PPP5C: variants seen among roughly 807,000 people sequenced by gnomAD.
The protein encoded by PPP5C is serine/threonine-protein phosphatase 5.
Under a neutral mutation model 66.7 loss-of-function variants are expected in PPP5C, and 21 were observed. That is an observed-to-expected ratio of 0.31 (90% CI 0.22 to 0.45). The LOEUF (loss-of-function observed/expected upper bound fraction) is 0.45. Ranked by LOEUF, PPP5C falls within the 20% of genes least tolerant of loss-of-function variation. The pLI is 1.00. For synonymous variants in PPP5C, 246 were observed against 257.4 expected (o/e 0.96, Z 0.43); for missense variants, 464 against 675.9 (o/e 0.69, Z 3.48).
In PPP5C at chr19:46,362,579, T is replaced by C. The variant is rs1229550438; in HGVS notation, c.363+8590T>C. Among the ~76,000 whole-genome samples the C allele has an allele frequency of 5.3e-5, 8 of 152,208 alleles. No individual in the cohort carries two copies. The East Asian group carries it at 1.4e-3, about 26-fold the overall frequency. On this transcript the variant is annotated intron_variant, in intron 2 of 12. Transcript: ENST00000012443. Reference sequence around the variant, plus strand: ...ATTTATAAAGTTGATTCTATTTATATGTATTTAATTTATTCATTTTTAGTG... The same window carrying C: ...ATTTATAAAGTTGATTCTATTTATACGTATTTAATTTATTCATTTTTAGTG...
chr19:46,363,964 CAG>C (rs1972447774), intron 2 of PPP5C, among the ~76,000 whole-genome samples: 1 of 152,072 alleles, frequency 6.6e-6, no homozygotes, highest in Non-Finnish European at 1.5e-5. Context: ...TGAGGATAAA[CAG>C]AGGTTCACTC....
At chr19:46,365,329 G>C (rs1182998378) in intron 2 of PPP5C, among the ~76,000 whole-genome samples, 1 of 151,230 alleles carries the variant, frequency 6.6e-6, no homozygotes, top group East Asian at 1.9e-4. Flanking sequence ...TGTTGGCTAG[G>C]CTGGTTTCAA....
At chr19:46,351,913 G>A (rs1004460468) in intron 1 of PPP5C, among the ~76,000 whole-genome samples, 4 of 152,236 alleles carry the variant, frequency 2.6e-5, no homozygotes, top group Non-Finnish European at 4.4e-5. Context: ...TCCCGGAGGA[G>A]GGGACATGTG....
chr19:46,367,232 C>G (rs1175843512), intron 2 of PPP5C, among the ~76,000 whole-genome samples: 1 of 152,256 alleles, frequency 6.6e-6, no homozygotes, highest in Non-Finnish European at 1.5e-5. Flanking sequence ...ATCCCTGCTT[C>G]CAGCACTTGG....
Position 46,390,701 on chromosome 19 carries a change from G to C in PPP5C, c.*355G>C. On this transcript the variant is annotated 3_prime_UTR_variant, in exon 13 of 13. Coordinates refer to ENST00000012443, the MANE Select transcript of PPP5C (RefSeq NM_006247.4). Reference sequence around the variant, plus strand: ...CTCAAGCAATAGGGCCCCGCCATAGGAAGACCCCCAGAGAGAGGGTCAGCA... The same window carrying C: ...CTCAAGCAATAGGGCCCCGCCATAGCAAGACCCCCAGAGAGAGGGTCAGCA... The C allele has an allele frequency of 1.7e-6, 2 of 1,192,216 alleles. No homozygotes were observed. The highest frequency in any genetic ancestry group is 3.1e-5 in the African/African-American group (2 of 63,992). The allele number at this position is 1,192,216 out of a possible 1,614,324, so 73.9% of individuals were successfully genotyped here. A position where few individuals can be genotyped will look rare whatever the true frequency, so the allele number is the denominator to read the frequency against.
rs1972999396 is a variant in PPP5C, at chr19:46,390,476, T to A, written c.*130T>A. The A allele has an allele frequency of 6.6e-7, 1 of 1,506,252 alleles. No individual in the cohort carries two copies. Among genetic ancestry groups the A allele is most frequent in the Non-Finnish European group, 8.9e-7 (1 of 1,127,340 alleles). The allele number at this position is 1,506,252 out of a possible 1,614,324, so 93.3% of individuals were successfully genotyped here. ...CCCTTTTACTTTGTAAAGTTTGTAT[T>A]TATTCCCCTTTAGGTTTGCAGAGGG... On this transcript the variant is annotated 3_prime_UTR_variant, in exon 13 of 13. Coordinates refer to ENST00000012443, the MANE Select transcript of PPP5C (RefSeq NM_006247.4).
chr19:46,367,038 A>G (rs551191585), intron 2 of PPP5C, among the ~76,000 whole-genome samples: 1 of 152,334 alleles, frequency 6.6e-6, no homozygotes, highest in South Asian at 2.1e-4. Context: ...GATCACTTCC[A>G]TTCAGATAGG....
intron 4 of PPP5C, chr19:46,382,940 A>C: frequency 9.1e-7 from 1 of 1,095,782 alleles, no homozygotes; most frequent in Non-Finnish European, 1.1e-6. Context: ...TCTCCCCAAA[A>C]CATCCTTTTT....
chr19:46,390,073 T>G lies in PPP5C; in HGVS notation c.1378T>G (p.Ser460Ala). 1 of 1,613,982 alleles carries G rather than the reference T, an allele frequency of 6.2e-7. No homozygotes were observed. The highest frequency in any genetic ancestry group is 8.5e-7 in the Non-Finnish European group (1 of 1,179,958). ...CAGCGACCAGATGGGGAACAAAGCC[T>G]CCTACATCCACCTCCAGGGCTCTGA... ...NYCDQMGNKA[S>A]YIHLQGSDLR... The change falls in exon 12 of 13, where the codon TCC (serine) becomes GCC (alanine). Residue 460 changes from serine to alanine, a missense_variant. Around this residue, in one of 2 missense-constraint regions of PPP5C, gnomAD observed 387 missense variants for 626.0 expected, o/e 0.62. Transcript: ENST00000012443.
intron 2 of PPP5C, among the ~76,000 whole-genome samples, chr19:46,364,236 A>G (rs2147375103): frequency 6.6e-6 from 1 of 152,298 alleles, no homozygotes; most frequent in Non-Finnish European, 1.5e-5. Context: ...GTGCATACAT[A>G]TGTAGCCAAA....
In PPP5C at chr19:46,384,509, A is replaced by G. The variant is rs532781148; in HGVS notation, c.799-295A>G. 11 of 374,600 alleles carry G rather than the reference A, an allele frequency of 2.9e-5. No homozygotes were observed. In the South Asian group the frequency reaches 3.0e-4, roughly 10 times the overall value. The allele number at this position is 374,600 out of a possible 1,614,324, so 23.2% of individuals were successfully genotyped here. On this transcript the variant is annotated intron_variant, in intron 6 of 12. Coordinates refer to ENST00000012443, the MANE Select transcript of PPP5C (RefSeq NM_006247.4). ...CTCTGAGGAGAGCTGAAGGAGGTGG[A>G]CTGACTAGTCCCCGCACCTCCCCGC...
Position 46,383,743 on chromosome 19 carries a change from T to G in PPP5C, c.700-37T>G. The G allele has an allele frequency of 6.5e-7, 1 of 1,539,878 alleles. No individual in the cohort carries two copies. Among genetic ancestry groups the G allele is most frequent in the South Asian group, 1.1e-5 (1 of 89,450 alleles). ...TCTGCCCCCTCCCCACGTCTCTCTC[T>G]CGGCCCGTCCCTCTCCGGTGGCCTC... On this transcript the variant is annotated intron_variant, in intron 5 of 12. Transcript: ENST00000012443. The surrounding 1 kb of genome is among the most constrained non-coding windows in gnomAD (Gnocchi z 5.0).
At chr19:46,354,070 G>A in intron 2 of PPP5C, 81 bp downstream of exon 2, 1 of 1,533,990 alleles carries the variant, frequency 6.5e-7, no homozygotes, top group Admixed American at 2.0e-5. Context: ...GGTGTGAGGA[G>A]CCATTCACTC....
At chr19:46,377,275 G>A (rs1601436337) in intron 4 of PPP5C, among the ~76,000 whole-genome samples, 1 of 152,184 alleles carries the variant, frequency 6.6e-6, no homozygotes. Flanking sequence ...CATACTAGCT[G>A]TGTGCCTGTG....
At chr19:46,353,192 T>C (rs1488759210) in intron 1 of PPP5C, among the ~76,000 whole-genome samples, 1 of 152,214 alleles carries the variant, frequency 6.6e-6, no homozygotes, top group Non-Finnish European at 1.5e-5. Flanking sequence ...ACATGAGGAT[T>C]CCACAGGTCA....
intron 2 of PPP5C, among the ~76,000 whole-genome samples, chr19:46,359,951 G>T (rs1601417802): frequency 1.3e-5 from 2 of 151,912 alleles, no homozygotes; most frequent in South Asian, 2.1e-4. Context: ...GCTAATTTTT[G>T]TATTTTTACT....
chr19:46,359,051 ATCTT>A (rs754803790), intron 2 of PPP5C, among the ~76,000 whole-genome samples: 4 of 152,104 alleles, frequency 2.6e-5, no homozygotes, highest in Admixed American at 6.6e-5. Context: ...TTTGGTCAAA[ATCTT>A]TCTTTTTAAA....
intron 2 of PPP5C, among the ~76,000 whole-genome samples, chr19:46,354,813 A>G (rs1417026630): frequency 6.6e-6 from 1 of 151,796 alleles, no homozygotes; most frequent in East Asian, 1.9e-4. Flanking sequence ...AAAAACAAGA[A>G]GGGTGATATG....
chr19:46,377,892 AT>A (rs1317616838), intron 4 of PPP5C, among the ~76,000 whole-genome samples: 11 of 152,196 alleles, frequency 7.2e-5, no homozygotes, highest in Non-Finnish European at 1.3e-4. Context: ...TTTGAGAGAC[AT>A]TTGGGTTATT....
Sources: allele counts gnomAD v4.1 joint callset (sites outside exome capture counted in the v4.1 genomes callset), GRCh38; gene constraint gnomAD v4.1.1; regional missense constraint gnomAD v4.1.1; non-coding constraint Gnocchi (gnomAD v3.1); transcripts MANE v1.5; gene names NCBI Gene and HGNC (gene_info 2026-07-23, HGNC 2026-07-21).